Variants in ST8SIA5 observed in about 807,000 individuals in gnomAD.
ST8SIA5 encodes the protein ST8 alpha-N-acetyl-neuraminide alpha-2,8-sialyltransferase 5.
In ST8SIA5, 24 loss-of-function variants were observed where a neutral mutation model predicts 40.2. The ratio of observed to expected loss-of-function variants is 0.60; its 90% CI spans 0.43 to 0.84. The LOEUF is 0.84. Among genes scored for constraint, ST8SIA5 ranks in the 40% least tolerant of loss-of-function variants. ST8SIA5 has a pLI of 0.00. For synonymous variants in ST8SIA5, 198 were observed against 201.8 expected (o/e 0.98, Z 0.16); for missense variants, 465 against 498.5 (o/e 0.93, Z 0.64).
intron 2 of ST8SIA5, among the ~76,000 whole-genome samples, chr18:46,692,529 G>A (rs1427618358): frequency 6.6e-5 from 10 of 151,810 alleles, no homozygotes; most frequent in Admixed American, 1.3e-4. Context: ...TCAGCCTACC[G>A]AGTAGCTGGG....
chr18:46,693,212 C>A (rs770127573), intron 2 of ST8SIA5, among the ~76,000 whole-genome samples: 28 of 152,130 alleles, frequency 1.8e-4, no homozygotes, highest in African/African-American at 6.8e-4. Context: ...TTCTCCCTCA[C>A]GTGCCCACCC....
intron 1 of ST8SIA5, among the ~76,000 whole-genome samples, chr18:46,752,491 C>T (rs2040204350): frequency 6.6e-6 from 1 of 152,212 alleles, no homozygotes; most frequent in Non-Finnish European, 1.5e-5. Flanking sequence ...TCCTCATTCA[C>T]ATAGCACATG....
rs1416636793 is a variant in ST8SIA5 at position 46,680,128 on chromosome 18, C to T, written c.1045G>A (p.Ala349Thr). 5 of 1,614,188 alleles carry T rather than the reference C, an allele frequency of 3.1e-6. No individual in the cohort carries two copies. Among genetic ancestry groups the T allele is most frequent in the Middle Eastern group, 3.3e-4 (2 of 6,062 alleles). Residue 349 changes from alanine (A) to threonine (T), a missense_variant, in exon 7 of 7, where the codon GCC becomes ACC. Transcript: ENST00000315087. ...DNVKPRPGFH[A>T]MPSEIFNFLH... ...AAGTTGAAGATCTCAGAGGGCATGGCGTGGAAGCCGGGACGCGGCTTGACG... is the reference window on the plus strand; with the variant it reads ...AAGTTGAAGATCTCAGAGGGCATGGTGTGGAAGCCGGGACGCGGCTTGACG...
rs1026617365 is a variant in ST8SIA5 at position 46,696,592 on chromosome 18, T to A, written c.225-4337A>T. On this transcript the variant is annotated intron_variant, in intron 2 of 6. Transcript: ENST00000315087. ...TCATTTAATCTCTCTGAGACTCAGC[T>A]GCTTTATCTGTAAGTTGGATATAAC... Among the ~76,000 whole-genome samples, 75 of 152,386 alleles carry A rather than the reference T, an allele frequency of 4.9e-4. 1 individual carries two copies. Among genetic ancestry groups the A allele is most frequent in the Non-Finnish European group, 2.9e-4 (20 of 68,040 alleles).
intron 1 of ST8SIA5, among the ~76,000 whole-genome samples, chr18:46,724,981 A>AAGAG (rs200039035): frequency 1.5e-5 from 2 of 129,434 alleles, no homozygotes; most frequent in Non-Finnish European, 3.5e-5. Flanking sequence ...GAAAGGAAGA[A>AAGAG]AGAGAGAGAG....
intron 1 of ST8SIA5, among the ~76,000 whole-genome samples, chr18:46,727,581 T>C (rs2039943475): frequency 6.6e-6 from 1 of 152,202 alleles, no homozygotes; most frequent in African/African-American, 2.4e-5. Context: ...GATTAAAATA[T>C]ATATATGTTC....
chr18:46,685,822 C>T (rs2039440501), intron 5 of ST8SIA5: 1 of 265,242 alleles, frequency 3.8e-6, no homozygotes, highest in South Asian at 6.8e-5. Flanking sequence ...CAAGGCTTCC[C>T]TGGTTCCAAC....
At chr18:46,751,368 T>C (rs1252895168) in intron 1 of ST8SIA5, among the ~76,000 whole-genome samples, 2 of 151,808 alleles carry the variant, frequency 1.3e-5, no homozygotes, top group Non-Finnish European at 2.9e-5. Flanking sequence ...ATGGATTTAT[T>C]TATTTATTTA....
chr18:46,716,050 C>T (rs182687117), intron 1 of ST8SIA5, among the ~76,000 whole-genome samples: 1 of 151,908 alleles, frequency 6.6e-6, no homozygotes, highest in African/African-American at 2.4e-5. Context: ...ACCCCTCTAA[C>T]CCCTCCCATG....
chr18:46,742,102 A>AAAAT (rs1025806195), intron 1 of ST8SIA5, among the ~76,000 whole-genome samples: 2 of 151,630 alleles, frequency 1.3e-5, no homozygotes, highest in Non-Finnish European at 2.9e-5. Context: ...CTCCATGTAA[A>AAAAT]AAATAAATAA....
chr18:46,676,144 T>C lies in ST8SIA5; in HGVS notation c.*3898A>G, dbSNP rs572840399. On this transcript the variant is annotated 3_prime_UTR_variant, in exon 7 of 7. Coordinates refer to ENST00000315087, the MANE Select transcript of ST8SIA5 (RefSeq NM_013305.6). ...TGATATCTGAGAAGTATCTGCTGCT[T>C]TGCTCATTACACTTTTTATGCTGCC... 19 of 152,316 alleles carry C rather than the reference T, an allele frequency of 1.2e-4. No individual in the cohort carries two copies. Among genetic ancestry groups the C allele is most frequent in the African/African-American group, 4.3e-4 (18 of 41,572 alleles). 9.4% of individuals were successfully genotyped at this position (152,316 alleles called of 1,614,324 possible).
At chr18:46,727,102 G>A (rs1049581058) in intron 1 of ST8SIA5, among the ~76,000 whole-genome samples, 6 of 152,106 alleles carry the variant, frequency 3.9e-5, no homozygotes, top group Non-Finnish European at 7.3e-5. Context: ...GAACATATAA[G>A]AATTATGTAA....
At position 46,673,805 on chromosome 18, in the gene ST8SIA5, G is replaced by A. The variant is rs1248097295; in HGVS notation, c.*6237C>T. 1 of 152,208 alleles carries A rather than the reference G, an allele frequency of 6.6e-6. No individual in the cohort carries two copies. The highest frequency in any genetic ancestry group is 1.5e-5 in the Non-Finnish European group (1 of 68,130). The allele number at this position is 152,208 out of a possible 1,614,324, so 9.4% of individuals were successfully genotyped here. On this transcript the variant is annotated 3_prime_UTR_variant, in exon 7 of 7. Transcript: ENST00000315087. ...CCGTAGGATGGAATCAGCCTCCACAGACTGGCCTCGTTTGACTAGACCTCT... is the reference window on the plus strand; with the variant it reads ...CCGTAGGATGGAATCAGCCTCCACAAACTGGCCTCGTTTGACTAGACCTCT...
chr18:46,756,006 A>G (rs1464627136), intron 1 of ST8SIA5, among the ~76,000 whole-genome samples: 4 of 152,218 alleles, frequency 2.6e-5, no homozygotes, highest in African/African-American at 9.6e-5. Context: ...TACGATTTTG[A>G]GCCCTCCGAC....
In ST8SIA5 at chr18:46,674,283, C is replaced by T. The variant is rs2039326770; in HGVS notation, c.*5759G>A. 6.6e-6 allele frequency: 1 copy of T among 152,052 alleles called. No individual in the cohort carries two copies. Among genetic ancestry groups the T allele is most frequent in the South Asian group, 2.1e-4 (1 of 4,822 alleles). The allele number at this position is 152,052 out of a possible 1,614,324, so 9.4% of individuals were successfully genotyped here. On this transcript the variant is annotated 3_prime_UTR_variant, in exon 7 of 7. Coordinates refer to ENST00000315087, the MANE Select transcript of ST8SIA5 (RefSeq NM_013305.6). Reference sequence around the variant, plus strand: ...ACTAGAGGAAAAAGGATTGGCTAGCCAGCAAAAAGCAGATGAGCAGGATTA... The same window carrying T: ...ACTAGAGGAAAAAGGATTGGCTAGCTAGCAAAAAGCAGATGAGCAGGATTA...
chr18:46,740,248 T>C (rs1355221473), intron 1 of ST8SIA5, among the ~76,000 whole-genome samples: 4 of 152,184 alleles, frequency 2.6e-5, no homozygotes, highest in Non-Finnish European at 5.9e-5. Flanking sequence ...CATGCTTCCC[T>C]TGTAATGGCC....
At chr18:46,729,378 CA>C (rs1032359900) in intron 1 of ST8SIA5, among the ~76,000 whole-genome samples, 3 of 19,634 alleles carry the variant, frequency 1.5e-4, no homozygotes, top group African/African-American at 4.3e-4. Flanking sequence ...GAAAGGGGGC[CA>C]GGGGTGGGTG....
intron 1 of ST8SIA5, among the ~76,000 whole-genome samples, chr18:46,755,965 TAAAC>T (rs532726055): frequency 9.9e-5 from 15 of 152,036 alleles, no homozygotes; most frequent in Non-Finnish European, 1.3e-4. Context: ...CGCGAGGTTA[TAAAC>T]AAACAAACAA....
rs1388756483 is a variant in ST8SIA5, at chr18:46,676,852, T to C, written c.*3190A>G. The C allele has an allele frequency of 1.3e-5, 2 of 152,242 alleles. No individual in the cohort carries two copies. Among genetic ancestry groups the C allele is most frequent in the Admixed American group, 6.5e-5 (1 of 15,288 alleles). 9.4% of individuals were successfully genotyped at this position (152,242 alleles called of 1,614,324 possible). A position where few individuals can be genotyped will look rare whatever the true frequency, so the allele number is the denominator to read the frequency against. ...GCTTCCAGAGTCAACACCAGGTCTC[T>C]CTGAGCCTTTGAAAAAATGTTTTTC... On this transcript the variant is annotated 3_prime_UTR_variant, in exon 7 of 7. Coordinates refer to ENST00000315087, the MANE Select transcript of ST8SIA5 (RefSeq NM_013305.6).
Sources: allele counts gnomAD v4.1 joint callset (sites outside exome capture counted in the v4.1 genomes callset), GRCh38; gene constraint gnomAD v4.1.1; transcripts MANE v1.5; gene names NCBI Gene and HGNC (gene_info 2026-07-23, HGNC 2026-07-21).